ITPR2: variants seen among roughly 807,000 people sequenced by gnomAD.
ITPR2 encodes inositol 1,4,5-trisphosphate receptor type 2, also known as inositol 1,4,5-trisphosphate-gated calcium channel ITPR2.
A neutral mutation model predicts 317.1 loss-of-function variants in ITPR2; 207 were observed. That is an observed-to-expected ratio of 0.65 (90% CI 0.58 to 0.73). ITPR2 has a LOEUF of 0.73. Ranked by LOEUF, ITPR2 falls within the 30% of genes least tolerant of loss-of-function variation. The probability of loss-of-function intolerance (pLI) is 0.00; values close to 1 mark genes in which losing one functional copy is unlikely to be tolerated. For synonymous variants in ITPR2, 1,156 were observed against 1,149.1 expected, an observed-to-expected ratio of 1.01 and a Z score of -0.12; for missense variants, 2,613 against 3,284.0, an observed-to-expected ratio of 0.80 and a Z score of 4.99.
chr12:26,600,182 T>C (rs1277917321), intron 28 of ITPR2, 73 bp from the exon 29 acceptor site: 13 of 1,318,902 alleles, frequency 9.9e-6, no homozygotes, highest in African/African-American at 1.5e-5. Flanking sequence ...AATCTCTCCT[T>C]CACCCACATA....
intron 1 of ITPR2, among the ~76,000 whole-genome samples, chr12:26,815,916 A>AC (rs1592156345): frequency 6.6e-6 from 1 of 151,590 alleles, no homozygotes; most frequent in African/African-American, 2.4e-5. Context: ...ACACGGTGAA[A>AC]CCCCACCTCC....
intron 2 of ITPR2, among the ~76,000 whole-genome samples, chr12:26,774,893 A>G (rs997604306): frequency 4.6e-5 from 7 of 152,194 alleles, no homozygotes; most frequent in African/African-American, 1.7e-4. Context: ...AAAAACCCTT[A>G]GTGGATGGAA....
chr12:26,467,783 T>C (rs1368834101), intron 45 of ITPR2, among the ~76,000 whole-genome samples: 1 of 152,196 alleles, frequency 6.6e-6, no homozygotes, highest in Non-Finnish European at 1.5e-5. Context: ...GCATTTTTTA[T>C]TGTACCCATT....
chr12:26,597,218 C>A, intron 30 of ITPR2, 84 bp from the exon 31 acceptor site: 1 of 1,389,384 alleles, frequency 7.2e-7, no homozygotes, highest in Non-Finnish European at 1.0e-6. Flanking sequence ...TATCTGGAAA[C>A]ACGTATATCT....
intron 32 of ITPR2, among the ~76,000 whole-genome samples, chr12:26,592,143 C>T (rs574127563): frequency 6.6e-6 from 1 of 152,154 alleles, no homozygotes; most frequent in East Asian, 1.9e-4. Context: ...TGAAATAAGC[C>T]GGGCACACAA....
At chr12:26,634,876 C>A (rs11048625) in intron 21 of ITPR2, among the ~76,000 whole-genome samples, 1 of 84,648 alleles carries the variant, frequency 1.2e-5, no homozygotes. Context: ...CAGAGCAAGA[C>A]TTCATCTCAA....
At chr12:26,663,894 G>A in intron 14 of ITPR2, 48 bp from the exon 15 acceptor site, 1 of 1,478,536 alleles carries the variant, frequency 6.8e-7, no homozygotes, top group Non-Finnish European at 9.1e-7. Context: ...AAAATGTTTT[G>A]CAACCTTTTT....
intron 13 of ITPR2, among the ~76,000 whole-genome samples, chr12:26,668,581 A>G (rs562975681): frequency 7.9e-5 from 12 of 152,354 alleles, no homozygotes; most frequent in Non-Finnish European, 1.3e-4. Context: ...AAAATCATGC[A>G]TAGTAAAAGT....
intron 1 of ITPR2, among the ~76,000 whole-genome samples, chr12:26,815,928 C>T (rs1029787912): frequency 6.6e-6 from 1 of 151,808 alleles, no homozygotes; most frequent in Non-Finnish European, 1.5e-5. Flanking sequence ...CCCACCTCCA[C>T]TAAAAATACA....
At chr12:26,376,981 A>G (rs994698517) in intron 55 of ITPR2, among the ~76,000 whole-genome samples, 1 of 152,264 alleles carries the variant, frequency 6.6e-6, no homozygotes, top group African/African-American at 2.4e-5. Context: ...CACCTGTCCC[A>G]GCCTCCCAAA....
At position 26,654,551 on chromosome 12, in the gene ITPR2, C is replaced by T. The variant is rs145429882; in HGVS notation, c.2590-425G>A. 4.8e-3 allele frequency among the ~76,000 whole-genome samples: 735 copies of T among 152,276 alleles called. 11 individuals carry two copies. Among genetic ancestry groups the T allele is most frequent in the African/African-American group, 0.017 (698 of 41,556 alleles). The stretch of plus-strand genomic sequence containing the variant: ...TGGATCGCACAGGACATTCCAAGTG[C>T]GAGAGTCTACCTCCAAGATGTGGCC... On this transcript the variant is annotated intron_variant, in intron 20 of 56. Transcript: ENST00000381340.
chr12:26,600,549 C>T (rs1192777850), intron 28 of ITPR2, among the ~76,000 whole-genome samples: 1 of 152,034 alleles, frequency 6.6e-6, no homozygotes, highest in Non-Finnish European at 1.5e-5. Context: ...CATAATTCTT[C>T]CCTTCCTTTA....
intron 45 of ITPR2, among the ~76,000 whole-genome samples, chr12:26,474,456 C>T (rs1942363195): frequency 6.6e-6 from 1 of 152,194 alleles, no homozygotes; most frequent in Non-Finnish European, 1.5e-5. Context: ...GAATAGTACT[C>T]ATCAGGCACC....
At chr12:26,497,478 C>A (rs1013345357) in intron 37 of ITPR2, among the ~76,000 whole-genome samples, 6 of 35,804 alleles carry the variant, frequency 1.7e-4, no homozygotes, top group African/African-American at 3.9e-4. Flanking sequence ...TACCTTTACT[C>A]CTATGATATT....
At chr12:26,575,106 A>G (rs2137063106) in intron 34 of ITPR2, among the ~76,000 whole-genome samples, 1 of 150,214 alleles carries the variant, frequency 6.7e-6, no homozygotes, top group Admixed American at 6.7e-5. Flanking sequence ...TTGAGCAGAA[A>G]AAAAGTCGAG....
At chr12:26,779,978 A>G (rs758066438) in intron 2 of ITPR2, among the ~76,000 whole-genome samples, 25 of 152,186 alleles carry the variant, frequency 1.6e-4, no homozygotes, top group South Asian at 2.1e-4. Flanking sequence ...GCTCACCAAC[A>G]GGTGACCTCA....
chr12:26,740,937 G>T (rs1481792719), intron 2 of ITPR2, among the ~76,000 whole-genome samples: 1 of 152,240 alleles, frequency 6.6e-6, no homozygotes, highest in African/African-American at 2.4e-5. Context: ...TGTCTTTGGA[G>T]AAATGGACCA....
chr12:26,426,124 G>A (rs1331109205), intron 49 of ITPR2, among the ~76,000 whole-genome samples: 1 of 152,032 alleles, frequency 6.6e-6, no homozygotes, highest in Admixed American at 6.5e-5. Context: ...ATATAACAGA[G>A]GCCCAGTAAA....
At chr12:26,436,134 G>A (rs899089537) in intron 48 of ITPR2, 87 bp downstream of exon 48, 18 of 1,252,058 alleles carry the variant, frequency 1.4e-5, no homozygotes, top group Non-Finnish European at 1.1e-5. Flanking sequence ...CCATTTAACA[G>A]GAATGAAATT....
Sources: allele counts gnomAD v4.1 joint callset (sites outside exome capture counted in the v4.1 genomes callset), GRCh38; gene constraint gnomAD v4.1.1; transcripts MANE v1.5; gene names NCBI Gene and HGNC (gene_info 2026-07-23, HGNC 2026-07-21).